Variants in ACACB observed in about 807,000 individuals in gnomAD.
ACACB encodes acetyl-CoA carboxylase 2.
A neutral mutation model predicts 278.8 loss-of-function variants in ACACB; 209 were observed. The observed-to-expected ratio is 0.75, with a 90% confidence interval of 0.67 to 0.84. The LOEUF is 0.84. Ranked by LOEUF, ACACB falls within the 40% of genes least tolerant of loss-of-function variation. The probability of loss-of-function intolerance (pLI) is 0.00; values close to 1 mark genes in which losing one functional copy is unlikely to be tolerated. For missense variants in ACACB, 2,850 were observed against 3,269.0 expected, an observed-to-expected ratio of 0.87 and a Z score of 3.13; for synonymous variants, 1,174 against 1,285.6, an observed-to-expected ratio of 0.91 and a Z score of 1.86.
chr12:109,126,058 C>A (rs981023993), intron 1 of ACACB, among the ~76,000 whole-genome samples: 1 of 152,106 alleles, frequency 6.6e-6, no homozygotes, highest in Non-Finnish European at 1.5e-5. Flanking sequence ...CTGGCAGGTG[C>A]TCAGGAAATA....
At chr12:109,222,294 C>CGAGTGAGTGAGTGAGTGAGTGAGT (rs112567037) in intron 24 of ACACB, among the ~76,000 whole-genome samples, 2,678 of 150,968 alleles carry the variant, frequency 0.018, 23 homozygotes, top group East Asian at 0.033. Flanking sequence ...AATGGGTGGC[C>CGAGTGAGTGAGTGAGTGAGTGAGT]GAGTGAGTGA....
chr12:109,170,192 G>A (rs547088035), intron 4 of ACACB, among the ~76,000 whole-genome samples: 1 of 152,116 alleles, frequency 6.6e-6, no homozygotes, highest in Non-Finnish European at 1.5e-5. Flanking sequence ...AGCCTCCCAA[G>A]TAGCTGGGAC....
At chr12:109,127,113 A>T (rs1333645717) in intron 1 of ACACB, among the ~76,000 whole-genome samples, 3 of 152,256 alleles carry the variant, frequency 2.0e-5, no homozygotes, top group African/African-American at 7.2e-5. Flanking sequence ...TCAGGCTCTG[A>T]TTCCACCAAT....
At chr12:109,112,688 CAAAAAAA>C (rs57131257), upstream of ACACB, among the ~76,000 whole-genome samples, 395 of 103,340 alleles carry the variant, frequency 3.8e-3, 2 homozygotes, top group African/African-American at 0.012. Flanking sequence ...AACTCCGTCT[CAAAAAAA>C]AAAAAAAAAA....
intron 1 of ACACB, among the ~76,000 whole-genome samples, chr12:109,138,934 A>C (rs539255859): frequency 2.0e-5 from 3 of 152,334 alleles, no homozygotes; most frequent in African/African-American, 7.2e-5. Flanking sequence ...AGGACAAGTC[A>C]ATGTTTTTTA....
intron 2 of ACACB, among the ~76,000 whole-genome samples, chr12:109,165,479 G>C (rs2043867201): frequency 1.3e-5 from 2 of 152,140 alleles, no homozygotes; most frequent in Admixed American, 1.3e-4. Context: ...ATGAGCCACT[G>C]CATGTGGCCT....
Position 109,206,848 on chromosome 12 carries a change from A to G in ACACB, c.3052A>G (p.Ser1018Gly). The part of the protein sequence containing the change: ...SGFCLPEPVF[S>G]IKLKEWVQKL... ...CTTTTGTCTGCCAGAGCCCGTTTTT[A>G]GCATAAAGGTAAAGTCACCTATGAG... Residue 1018 changes from serine (S) to glycine (G), a missense_variant, in exon 20 of 53, where the codon AGC becomes GGC. Coordinates refer to ENST00000338432, the MANE Select transcript of ACACB (RefSeq NM_001093.4). 6.2e-7 allele frequency: 1 copy of G among 1,614,206 alleles called. No individual in the cohort carries two copies. The highest frequency in any genetic ancestry group is 8.5e-7 in the Non-Finnish European group (1 of 1,180,044).
rs990365203 is a variant in ACACB at position 109,168,003 on chromosome 12, G to A, written c.894G>A (p.Met298Ile). ...RNERAIRFVV[M>I]VTPEDLKANA... ...AGCGGGCCATCCGGTTTGTTGTGAT[G>A]GTGACCCCCGAGGACCTTAAGGCCA... The change falls in exon 4 of 53, where the codon ATG becomes ATA. Residue 298 changes from methionine (M) to isoleucine (I), a missense_variant. Transcript: ENST00000338432. 29 of 1,613,326 alleles carry A rather than the reference G, an allele frequency of 1.8e-5. No homozygotes were observed. Among genetic ancestry groups the A allele is most frequent in the Non-Finnish European group, 2.4e-5 (28 of 1,179,716 alleles).
intron 9 of ACACB, among the ~76,000 whole-genome samples, chr12:109,178,116 G>T (rs2044337386): frequency 6.6e-6 from 1 of 152,150 alleles, no homozygotes; most frequent in Non-Finnish European, 1.5e-5. Context: ...TGCCGATGGT[G>T]GGGGGCTCTT....
intron 2 of ACACB, among the ~76,000 whole-genome samples, chr12:109,166,251 G>A (rs1200089248): frequency 6.6e-6 from 1 of 152,144 alleles, no homozygotes; most frequent in Non-Finnish European, 1.5e-5. Context: ...CTTGTTATAA[G>A]TTTTTTAGTA....
chr12:109,121,986 GC>G (rs1313389806), intron 1 of ACACB, among the ~76,000 whole-genome samples: 1 of 152,176 alleles, frequency 6.6e-6, no homozygotes, highest in Non-Finnish European at 1.5e-5. Flanking sequence ...GGACACTGAA[GC>G]CAACCATCAG....
At chr12:109,192,378 G>A (rs912720548) in intron 15 of ACACB, among the ~76,000 whole-genome samples, 1 of 152,162 alleles carries the variant, frequency 6.6e-6, no homozygotes, top group African/African-American at 2.4e-5. Flanking sequence ...ATCTCTGTTA[G>A]GATAGGCCGG....
At chr12:109,230,491 T>G (rs952157541) in intron 28 of ACACB, among the ~76,000 whole-genome samples, 1 of 151,702 alleles carries the variant, frequency 6.6e-6, no homozygotes, top group Non-Finnish European at 1.5e-5. Flanking sequence ...GGTGTGATCA[T>G]AGCTCACTAC....
intron 11 of ACACB, among the ~76,000 whole-genome samples, chr12:109,181,115 A>G (rs1271329355): frequency 6.6e-6 from 1 of 151,948 alleles, no homozygotes; most frequent in African/African-American, 2.4e-5. Context: ...TTCATTTAAC[A>G]TAATGTTCTC....
Position 109,227,491 on chromosome 12 carries a change from T to C in ACACB, c.4001+2T>C. ...GCTGCCGTCCTCCCACCCAAACCGG[T>C]ATGGAGTGGGACACACCCAGGGACG... On this transcript the variant is annotated splice_donor_variant, in intron 28 of 52. Transcript: ENST00000338432. LOFTEE classifies it high-confidence loss of function. 1 of 1,612,906 alleles carries C rather than the reference T, an allele frequency of 6.2e-7. No homozygotes were observed.
chr12:109,185,853 A>C, intron 12 of ACACB, 113 bp downstream of exon 12: 2 of 1,063,870 alleles, frequency 1.9e-6, no homozygotes, highest in Non-Finnish European at 2.6e-6. Flanking sequence ...ATCTCAGTTT[A>C]CAAATGGGGA....
In ACACB at chr12:109,246,442, C is replaced by A. The variant is rs975788844; in HGVS notation, c.5565C>A (p.Pro1855=). ...FHVAWVDPED[P]HKGFKYLYLT... ...TGGCTTGGGTGGACCCAGAAGACCC[C>A]CACAAAGTACGTCGTGAAACTGGCG... Residue 1855 remains proline (P), a synonymous_variant, in exon 39 of 53, where the codon CCC becomes CCA. Transcript: ENST00000338432. 1 of 1,608,620 alleles carries A rather than the reference C, an allele frequency of 6.2e-7. No individual in the cohort carries two copies. Among genetic ancestry groups the A allele is most frequent in the African/African-American group, 1.3e-5 (1 of 74,834 alleles).
chr12:109,216,039 T>TA (rs2045985171), intron 22 of ACACB, among the ~76,000 whole-genome samples: 1 of 152,044 alleles, frequency 6.6e-6, no homozygotes, highest in African/African-American at 2.4e-5. Context: ...GCTCAAATGA[T>TA]ACTCACGCCT....
At position 109,239,982 on chromosome 12, in the gene ACACB, C is replaced by A. The variant is rs749726682; in HGVS notation, c.4815C>A (p.Phe1605Leu). Residue 1605 changes from phenylalanine to leucine, a missense_variant, in exon 35 of 53, where the codon TTC becomes TTA. Phe to Leu is a conservative substitution (Grantham distance 22). Around this residue, in one of 3 missense-constraint regions of ACACB, gnomAD observed 2,265 missense variants for 2,561.3 expected, o/e 0.88. Coordinates refer to ENST00000338432, the MANE Select transcript of ACACB (RefSeq NM_001093.4). ...NFVPTVIMDP[F>L]KIEESVRYMV... The stretch of plus-strand genomic sequence containing the variant: ...TGCCCACTGTCATCATGGACCCCTT[C>A]AAGGTCTCGCCTTTGCAGGGGGGCT... The A allele has an allele frequency of 8.7e-6, 14 of 1,613,614 alleles. No individual in the cohort carries two copies. The South Asian group carries it at 1.5e-4, about 18-fold the overall frequency.
Sources: gnomAD v4.1 joint callset for allele counts (sites outside exome capture counted in the v4.1 genomes callset) on GRCh38, gnomAD v4.1.1 for gene constraint, gnomAD v4.1.1 regional missense constraint, MANE v1.5 for transcripts, NCBI Gene and HGNC (gene_info 2026-07-23, HGNC 2026-07-21) for gene names.